The following FBXO36 variants were observed in gnomAD, a reference collection of about 807,000 sequenced individuals.
The protein encoded by FBXO36 is F-box protein 36, also known as F-box only protein 36.
In FBXO36, 18 loss-of-function variants were observed where a neutral mutation model predicts 17.0. The ratio of observed to expected loss-of-function variants is 1.06; its 90% CI spans 0.73 to 1.57. FBXO36 has a LOEUF of 1.57. Among genes scored for constraint, FBXO36 ranks in the 40% most tolerant of loss-of-function variants. The probability of loss-of-function intolerance (pLI) is 0.00; values close to 1 mark genes in which losing one functional copy is unlikely to be tolerated. For missense variants in FBXO36, 229 were observed against 221.9 expected, an observed-to-expected ratio of 1.03 and a Z score of -0.20; for synonymous variants, 83 against 85.3, an observed-to-expected ratio of 0.97 and a Z score of 0.15.
chr2:229,999,825 C>G (rs2077348686), intron 3 of FBXO36, among the ~76,000 whole-genome samples: 1 of 151,738 alleles, frequency 6.6e-6, no homozygotes, highest in Non-Finnish European at 1.5e-5. Context: ...AACCCAATAC[C>G]CAATAGTTAT....
chr2:229,938,482 T>TC (rs1560432480), intron 1 of FBXO36, among the ~76,000 whole-genome samples: 1 of 142,216 alleles, frequency 7.0e-6, no homozygotes, highest in African/African-American at 2.7e-5. Flanking sequence ...GATACAACTT[T>TC]CTTTTTTTTT....
chr2:229,989,985 A>G (rs1204577453), intron 2 of FBXO36, among the ~76,000 whole-genome samples: 1 of 151,838 alleles, frequency 6.6e-6, no homozygotes, highest in Non-Finnish European at 1.5e-5. Context: ...ATTAGAGGTT[A>G]TATACCATCA....
At chr2:229,922,759 T>G in intron 1 of FBXO36, 150 bp downstream of exon 1, 2 of 738,830 alleles carry the variant, frequency 2.7e-6, no homozygotes, top group Non-Finnish European at 4.4e-6. Flanking sequence ...CCTCGTCACC[T>G]CGGCCTCCTC....
At chr2:229,956,939 A>G (rs900791271) in intron 1 of FBXO36, among the ~76,000 whole-genome samples, 1 of 152,150 alleles carries the variant, frequency 6.6e-6, no homozygotes, top group African/African-American at 2.4e-5. Context: ...GATTATACCC[A>G]TATGACTTTA....
At chr2:229,972,994 A>G (rs1329120565) in intron 1 of FBXO36, among the ~76,000 whole-genome samples, 2 of 151,770 alleles carry the variant, frequency 1.3e-5, no homozygotes, top group African/African-American at 2.4e-5. Flanking sequence ...CCTGGGAGGC[A>G]GAGGTTGCAG....
At chr2:229,981,853 G>A (rs750961412) in intron 2 of FBXO36, among the ~76,000 whole-genome samples, 30 of 152,044 alleles carry the variant, frequency 2.0e-4, no homozygotes, top group Admixed American at 2.0e-4. Context: ...GGTTTAATTG[G>A]CTCATGGTTT....
At chr2:229,968,419 C>T (rs556733264) in intron 1 of FBXO36, among the ~76,000 whole-genome samples, 1 of 152,096 alleles carries the variant, frequency 6.6e-6, no homozygotes, top group Non-Finnish European at 1.5e-5. Flanking sequence ...CTGTCTTAAA[C>T]ATATAAAGAC....
intron 2 of FBXO36, among the ~76,000 whole-genome samples, chr2:229,984,634 C>T (rs550704583): frequency 4.6e-5 from 7 of 151,972 alleles, no homozygotes; most frequent in Non-Finnish European, 7.4e-5. Context: ...GTGATCCGCC[C>T]GCCTCAGCCT....
intron 1 of FBXO36, among the ~76,000 whole-genome samples, chr2:229,943,768 T>G (rs1049223556): frequency 6.6e-6 from 1 of 152,204 alleles, no homozygotes; most frequent in Non-Finnish European, 1.5e-5. Flanking sequence ...TTGAATCCCA[T>G]GCCTAAGACA....
chr2:229,930,320 A>G (rs1034231509), intron 1 of FBXO36, among the ~76,000 whole-genome samples: 2 of 152,034 alleles, frequency 1.3e-5, no homozygotes, highest in African/African-American at 4.8e-5. Context: ...CACTCCACTG[A>G]ACAGAATGAG....
At chr2:229,996,022 T>TC (rs1201603807) in intron 2 of FBXO36, among the ~76,000 whole-genome samples, 1 of 151,778 alleles carries the variant, frequency 6.6e-6, no homozygotes, top group Non-Finnish European at 1.5e-5. Context: ...ATGCCTGGAA[T>TC]CCCAGCACTT....
chr2:229,928,484 A>C (rs73103541), intron 1 of FBXO36, among the ~76,000 whole-genome samples: 2 of 152,082 alleles, frequency 1.3e-5, no homozygotes, highest in East Asian at 3.9e-4. Flanking sequence ...GAAAAGCAAT[A>C]AAGATTTAAA....
intron 1 of FBXO36, among the ~76,000 whole-genome samples, chr2:229,923,513 C>A (rs546907513): frequency 1.3e-5 from 2 of 152,178 alleles, no homozygotes; most frequent in African/African-American, 4.8e-5. Flanking sequence ...TTTTGGTGTG[C>A]ATATTGATCA....
At chr2:229,954,233 G>T (rs1254306062) in intron 1 of FBXO36, among the ~76,000 whole-genome samples, 2 of 33,144 alleles carry the variant, frequency 6.0e-5, no homozygotes, top group African/African-American at 1.5e-4. Flanking sequence ...AAACCCTTTG[G>T]ATTTTTTTTT....
intron 1 of FBXO36, among the ~76,000 whole-genome samples, chr2:229,938,255 C>G (rs1456795336): frequency 2.1e-5 from 2 of 95,106 alleles, no homozygotes; most frequent in East Asian, 7.3e-4. Flanking sequence ...GAGTTTCGCT[C>G]TTGTCGCCCA....
intron 1 of FBXO36, among the ~76,000 whole-genome samples, chr2:229,924,855 G>A (rs368279645): frequency 4.6e-5 from 7 of 151,154 alleles, no homozygotes; most frequent in Non-Finnish European, 8.8e-5. Flanking sequence ...TGCAAGCTCC[G>A]CCTCCTGGGT....
intron 3 of FBXO36, among the ~76,000 whole-genome samples, chr2:230,001,581 C>T (rs11900583): frequency 0.027 from 4,175 of 152,238 alleles, 217 homozygotes; most frequent in African/African-American, 0.095. Context: ...AGCCACCATG[C>T]CCAACCTTAT....
At chr2:229,922,840 C>T (rs1297548386) in intron 1 of FBXO36, among the ~76,000 whole-genome samples, 3 of 152,332 alleles carry the variant, frequency 2.0e-5, no homozygotes, top group East Asian at 1.9e-4. Context: ...TCTGCCTCCC[C>T]GCGGTGCCGC....
At chr2:229,991,929 C>A (rs2077300032) in intron 2 of FBXO36, among the ~76,000 whole-genome samples, 1 of 152,144 alleles carries the variant, frequency 6.6e-6, no homozygotes, top group Non-Finnish European at 1.5e-5. Flanking sequence ...TAGATTTGAT[C>A]TTTGCCTGAG....
Sources: gnomAD v4.1 joint callset for allele counts (sites outside exome capture counted in the v4.1 genomes callset) on GRCh38, gnomAD v4.1.1 for gene constraint, MANE v1.5 for transcripts, NCBI Gene and HGNC (gene_info 2026-07-23, HGNC 2026-07-21) for gene names.